PNOC: variants seen among roughly 807,000 people sequenced by gnomAD.
The protein encoded by PNOC is prepronociceptin.
PNOC carries 10 observed loss-of-function variants against 15.6 expected under a neutral mutation model. The ratio of observed to expected loss-of-function variants is 0.64; its 90% confidence interval spans 0.40 to 1.09. The LOEUF is 1.09. Ranked by LOEUF, PNOC falls within the 50% of genes least tolerant of loss-of-function variation. The pLI, the probability that PNOC is intolerant of heterozygous loss-of-function variation, is 0.01. For synonymous variants in PNOC, 98 were observed against 88.5 expected, an observed-to-expected ratio of 1.11 and a Z score of -0.60; for missense variants, 220 against 223.9, an observed-to-expected ratio of 0.98 and a Z score of 0.11.
chr8:28,335,954 T>C (rs1339203433), intron 2 of PNOC, among the ~76,000 whole-genome samples: 1 of 151,486 alleles, frequency 6.6e-6, no homozygotes. Flanking sequence ...CCTGGAATCC[T>C]GGACTAATGG....
intron 1 of PNOC, among the ~76,000 whole-genome samples, chr8:28,320,206 T>C (rs1305725057): frequency 7.1e-6 from 1 of 140,090 alleles, no homozygotes; most frequent in Non-Finnish European, 1.5e-5. Flanking sequence ...GTAGATAGCA[T>C]GCCTCACCAT....
chr8:28,335,935 T>C (rs1207886578), intron 2 of PNOC, among the ~76,000 whole-genome samples: 7 of 150,522 alleles, frequency 4.7e-5, no homozygotes, highest in African/African-American at 7.3e-5. Context: ...AAAAAAAGAA[T>C]AAAAGAATCC....
At chr8:28,342,621 G>T (rs756747123) in intron 3 of PNOC, among the ~76,000 whole-genome samples, 6 of 152,198 alleles carry the variant, frequency 3.9e-5, no homozygotes, top group Admixed American at 6.5e-5. Flanking sequence ...GCAAAGAAAA[G>T]AACTGTAAAA....
At position 28,338,554 on chromosome 8, in the gene PNOC, A is replaced by G. The variant is rs986269671; in HGVS notation, c.127-486A>G. 1.2e-5 allele frequency: 12 copies of G among 979,802 alleles called. No homozygotes were observed. The African/African-American group carries it at 2.1e-4, about 17-fold the overall frequency. 60.7% of individuals were successfully genotyped at this position (979,802 alleles called of 1,614,324 possible). ...ATTAACAACACCTAGGTAGATCTTT[A>G]CATGGTGACCTTAAAATAAACCTGC... On this transcript the variant is annotated intron_variant, in intron 2 of 3. Transcript: ENST00000301908.
intron 2 of PNOC, among the ~76,000 whole-genome samples, chr8:28,337,026 C>T (rs139143368): frequency 6.6e-6 from 1 of 152,182 alleles, no homozygotes; most frequent in African/African-American, 2.4e-5. Flanking sequence ...AAAGTGACAG[C>T]GGCTGAAATC....
At chr8:28,320,678 G>A (rs1188246549) in intron 1 of PNOC, among the ~76,000 whole-genome samples, 10 of 151,752 alleles carry the variant, frequency 6.6e-5, no homozygotes, top group African/African-American at 2.2e-4. Context: ...GTGAAACCCC[G>A]TCTCTACTAA....
intron 1 of PNOC, among the ~76,000 whole-genome samples, chr8:28,328,755 A>G (rs1392708993): frequency 6.6e-6 from 1 of 152,134 alleles, no homozygotes; most frequent in Non-Finnish European, 1.5e-5. Flanking sequence ...TTAATGTCAC[A>G]TGCTGGTAAA....
intron 2 of PNOC, among the ~76,000 whole-genome samples, chr8:28,338,079 G>A (rs917492601): frequency 6.6e-6 from 1 of 152,188 alleles, no homozygotes; most frequent in African/African-American, 2.4e-5. Flanking sequence ...ATGATGAGGA[G>A]CTCTGCCTAC....
intron 2 of PNOC, chr8:28,338,742 ATTTAT>A (rs1317914508): frequency 9.0e-7 from 1 of 1,109,538 alleles, no homozygotes; most frequent in East Asian, 5.1e-5. Flanking sequence ...TGTTGGGCGC[ATTTAT>A]CCTGTGTTAA....
At chr8:28,329,389 C>T in intron 2 of PNOC, 106 bp downstream of exon 2, 1 of 1,287,740 alleles carries the variant, frequency 7.8e-7, no homozygotes, top group Middle Eastern at 2.4e-4. Flanking sequence ...TCTCCCACAG[C>T]TCACAGGACT....
intron 1 of PNOC, among the ~76,000 whole-genome samples, chr8:28,326,490 C>T (rs182889101): frequency 3.7e-4 from 57 of 152,288 alleles, no homozygotes; most frequent in African/African-American, 9.1e-4. Context: ...CCTTTGTTCA[C>T]GTCCTTCTCA....
chr8:28,320,850 C>CAAAAAAAAA (rs900121827), intron 1 of PNOC, among the ~76,000 whole-genome samples: 1 of 58,026 alleles, frequency 1.7e-5, no homozygotes. Flanking sequence ...GACTCCATCT[C>CAAAAAAAAA]AAAAAAAAAA....
In PNOC at chr8:28,320,092, CTTTTTTTTTTTTTTT is replaced by C. The variant is rs34876964; in HGVS notation, c.-24+2791_-24+2805del. Among the ~76,000 whole-genome samples, 7 of 29,728 alleles carry C rather than the reference CTTTTTTTTTTTTTTT, an allele frequency of 2.4e-4. 1 individual carries two copies. The highest frequency in any genetic ancestry group is 6.3e-4 in the African/African-American group (5 of 7,972). 19.5% of individuals were successfully genotyped at this position (29,728 alleles called of 152,430 possible). ...TGTTTGTTTCTTTCTTTCTTTCTTT[CTTTTTTTTTTTTTTT>C]TTTTTTTTTTTTTTCAAAATACTGG... On this transcript the variant is annotated intron_variant, in intron 1 of 3. Coordinates refer to ENST00000301908, the MANE Select transcript of PNOC (RefSeq NM_006228.5).
At chr8:28,321,753 C>T (rs1302378341) in intron 1 of PNOC, among the ~76,000 whole-genome samples, 4 of 152,188 alleles carry the variant, frequency 2.6e-5, no homozygotes, top group South Asian at 2.1e-4. Flanking sequence ...ACAGCTCTCA[C>T]GCGTTCATTT....
chr8:28,324,926 G>A (rs558250701), intron 1 of PNOC, among the ~76,000 whole-genome samples: 1 of 152,030 alleles, frequency 6.6e-6, no homozygotes, highest in Non-Finnish European at 1.5e-5. Context: ...TTTTCCTTTC[G>A]TATATATTCT....
Position 28,329,247 on chromosome 8 carries a change from G to T in PNOC, c.90G>T (p.Glu30Asp), listed in dbSNP as rs759886616. ...SCQRDCLTCQ[E>D]KLHPALDSFD... ...AGAGGGACTGTCTCACATGCCAGGA[G>T]AAGCTCCACCCAGCCCTGGACAGCT... Residue 30 changes from glutamate (E) to aspartate (D), a missense_variant, in exon 2 of 4, where the codon GAG (glutamate) becomes GAT (aspartate). Coordinates refer to ENST00000301908, the MANE Select transcript of PNOC (RefSeq NM_006228.5). 1 of 1,614,010 alleles carries T rather than the reference G, an allele frequency of 6.2e-7. No homozygotes were observed. The highest frequency in any genetic ancestry group is 8.5e-7 in the Non-Finnish European group (1 of 1,180,036).
At chr8:28,336,927 G>A (rs1169446237) in intron 2 of PNOC, among the ~76,000 whole-genome samples, 1 of 151,870 alleles carries the variant, frequency 6.6e-6, no homozygotes, top group Non-Finnish European at 1.5e-5. Flanking sequence ...GGGGAGTGAG[G>A]TGCCACTCAG....
intron 1 of PNOC, among the ~76,000 whole-genome samples, chr8:28,324,234 C>T (rs1801189623): frequency 6.6e-6 from 1 of 152,160 alleles, no homozygotes; most frequent in Admixed American, 6.5e-5. Flanking sequence ...CCTTTTATAC[C>T]TCGCCCTTAA....
chr8:28,330,868 A>G (rs1413529042), intron 2 of PNOC, among the ~76,000 whole-genome samples: 1 of 152,100 alleles, frequency 6.6e-6, no homozygotes, highest in African/African-American at 2.4e-5. Flanking sequence ...CCAGATAGTT[A>G]CTCCTCTCCT....
Sources: allele counts gnomAD v4.1 joint callset (sites outside exome capture counted in the v4.1 genomes callset), GRCh38; gene constraint gnomAD v4.1.1; transcripts MANE v1.5; gene names NCBI Gene and HGNC (gene_info 2026-07-23, HGNC 2026-07-21).